MCM5: variants seen among roughly 807,000 people sequenced by gnomAD.
MCM5 encodes minichromosome maintenance complex component 5.
In MCM5, 46 loss-of-function variants were observed where a neutral mutation model predicts 79.9. The ratio of observed to expected loss-of-function variants is 0.58; its 90% CI spans 0.45 to 0.74. The LOEUF (loss-of-function observed/expected upper bound fraction) is 0.74, where lower values mean the gene tolerates loss of function less well. Ranked by LOEUF, MCM5 falls within the 30% of genes least tolerant of loss-of-function variation. The probability of loss-of-function intolerance (pLI) is 0.00; values close to 1 mark genes in which losing one functional copy is unlikely to be tolerated. For missense variants in MCM5, 883 were observed against 1,017.0 expected, an observed-to-expected ratio of 0.87 and a Z score of 1.79; for synonymous variants, 404 against 390.5, an observed-to-expected ratio of 1.03 and a Z score of -0.41.
Position 35,423,350 on chromosome 22 carries a change from G to C in MCM5, c.2103+9G>C. The C allele has an allele frequency of 6.3e-7, 1 of 1,589,590 alleles. No homozygotes were observed. Among genetic ancestry groups the C allele is most frequent in the Non-Finnish European group, 8.6e-7 (1 of 1,163,360 alleles). Reference sequence around the variant, plus strand: ...AGGACTTCACCAAGCAGGTGAGCCTGCCTTGGAGTGGGGGTGTGAGCCGGC... The same window carrying C: ...AGGACTTCACCAAGCAGGTGAGCCTCCCTTGGAGTGGGGGTGTGAGCCGGC... On this transcript the variant is annotated intron_variant, in intron 16 of 16. Transcript: ENST00000216122.
In MCM5 at chr22:35,424,245, G is replaced by A. The variant is rs368400416; in HGVS notation, c.2195G>A (p.Arg732His). Reference protein sequence around the residue: ...QHRMQRKVLYRLK With the variant: ...QHRMQRKVLYHLK ...CGCATGCAGCGCAAGGTTCTCTACC[G>A]CCTCAAGTGAGTCGCGCCGCCTCAC... The change falls in exon 17 of 17, where the codon CGC (arginine) becomes CAC (histidine). Residue 732 changes from arginine (R) to histidine (H), a missense_variant. This residue lies in a region of MCM5 where 426 missense variants were observed against 482.3 expected (regional missense o/e 0.88). Transcript: ENST00000216122. 6.5e-7 allele frequency: 1 copy of A among 1,545,268 alleles called. No individual in the cohort carries two copies. The highest frequency in any genetic ancestry group is 8.7e-7 in the Non-Finnish European group (1 of 1,143,466).
the MCM5 span, among the ~76,000 whole-genome samples, chr22:35,437,112 G>T: frequency 2.0e-5 from 3 of 152,236 alleles, no homozygotes; most frequent in East Asian, 5.8e-4. Context: ...GCCCCAGGAG[G>T]ATGCTGGGCT....
intron 2 of MCM5, 26 bp downstream of exon 2, chr22:35,400,631 T>C: frequency 6.4e-7 from 1 of 1,567,252 alleles, no homozygotes; most frequent in Non-Finnish European, 8.6e-7. Context: ...GGCCGGGGGC[T>C]CGAGTTCCAG....
chr22:35,410,800 C>T lies in MCM5; in HGVS notation c.809C>T (p.Ser270Phe). Residue 270 changes from serine (S) to phenylalanine (F), a missense_variant, in exon 7 of 17, where the codon TCC (serine) becomes TTC (phenylalanine). Ser to Phe is a radical substitution (Grantham distance 155, BLOSUM62 -2). This residue lies in a region of MCM5 where 455 missense variants were observed against 517.5 expected (regional missense o/e 0.88). Transcript: ENST00000216122. ...AGGGTTACCATCATGGGCATCTACT[C>T]CATCAAGAAGTTTGGCCTGACTACC... ...GNRVTIMGIY[S>F]IKKFGLTTSR... 1 of 1,614,152 alleles carries T rather than the reference C, an allele frequency of 6.2e-7. No individual in the cohort carries two copies. The highest frequency in any genetic ancestry group is 8.5e-7 in the Non-Finnish European group (1 of 1,180,010).
chr22:35,421,281 G>T, intron 14 of MCM5, 37 bp from the exon 15 acceptor site: 2 of 1,597,022 alleles, frequency 1.3e-6, no homozygotes, highest in South Asian at 2.2e-5. Flanking sequence ...GGGAATAGCG[G>T]ACCGAGGCTA....
At position 35,410,929 on chromosome 22, in the gene MCM5, C is replaced by A; in HGVS notation, c.919+19C>A. On this transcript the variant is annotated intron_variant, in intron 7 of 16. Transcript: ENST00000216122. Reference sequence around the variant, plus strand: ...GGCTCTGGTGAGTTGGCTTTGGGGTCCTGGCTTAGCCCTGCTAAAAGGCTG... The same window carrying A: ...GGCTCTGGTGAGTTGGCTTTGGGGTACTGGCTTAGCCCTGCTAAAAGGCTG... 6.4e-7 allele frequency: 1 copy of A among 1,572,154 alleles called. No individual in the cohort carries two copies. Among genetic ancestry groups the A allele is most frequent in the Non-Finnish European group, 8.6e-7 (1 of 1,156,958 alleles).
At chr22:35,436,786 C>G in the MCM5 span, among the ~76,000 whole-genome samples, 1 of 152,212 alleles carries the variant, frequency 6.6e-6, no homozygotes, top group Non-Finnish European at 1.5e-5. Flanking sequence ...TATCCCCACC[C>G]GACCTTCACA....
the MCM5 span, among the ~76,000 whole-genome samples, chr22:35,454,409 C>T: frequency 6.6e-6 from 1 of 152,198 alleles, no homozygotes; most frequent in South Asian, 2.1e-4. Context: ...TCCCCTCTCT[C>T]TTCTTTGGGC....
chr22:35,437,144 G>A, the MCM5 span, among the ~76,000 whole-genome samples: 1 of 152,204 alleles, frequency 6.6e-6, no homozygotes, highest in African/African-American at 2.4e-5. Context: ...CCCCTTACAG[G>A]AAGTGCCCAT....
the MCM5 span, among the ~76,000 whole-genome samples, chr22:35,432,975 C>G: frequency 2.0e-5 from 3 of 152,102 alleles, no homozygotes; most frequent in African/African-American, 7.2e-5. Flanking sequence ...CACAATGTTG[C>G]TCAGGCTGGA....
rs1279297654 is a variant in MCM5, at chr22:35,416,797, A to G, written c.1573A>G (p.Asn525Asp). Reference protein sequence around the residue: ...DMIFIVKDEHNEERDVMLAKH... With the variant: ...DMIFIVKDEHDEERDVMLAKH... ...GATCTTCATCGTCAAGGATGAGCAC[A>G]ATGAGGAGAGGGATGTGGTACGTCC... Residue 525 changes from asparagine (N) to aspartate (D), a missense_variant, in exon 12 of 17, where the codon AAT becomes GAT. Physicochemically the swap from Asn to Asp is conservative, Grantham distance 23 (BLOSUM62 1). Around this residue, in one of 3 missense-constraint regions of MCM5, gnomAD observed 426 missense variants for 482.3 expected, o/e 0.88. Coordinates refer to ENST00000216122, the MANE Select transcript of MCM5 (RefSeq NM_006739.4). 1.2e-6 allele frequency: 2 copies of G among 1,613,912 alleles called. No individual in the cohort carries two copies. Among genetic ancestry groups the G allele is most frequent in the Non-Finnish European group, 1.7e-6 (2 of 1,180,008 alleles).
At chr22:35,448,286 T>C in the MCM5 span, among the ~76,000 whole-genome samples, 1 of 152,034 alleles carries the variant, frequency 6.6e-6, no homozygotes, top group Non-Finnish European at 1.5e-5. Context: ...GAAGGCGAAG[T>C]TGGCTTTAGC....
the MCM5 span, among the ~76,000 whole-genome samples, chr22:35,444,065 T>G: frequency 6.6e-6 from 1 of 152,172 alleles, no homozygotes; most frequent in Non-Finnish European, 1.5e-5. Context: ...AAGAGCCTTG[T>G]GCCTGGCAGA....
chr22:35,430,483 C>G, the MCM5 span, among the ~76,000 whole-genome samples: 1 of 149,200 alleles, frequency 6.7e-6, no homozygotes, highest in Non-Finnish European at 1.5e-5. Context: ...CCTGGAGCCC[C>G]AAAACCAGCC....
At chr22:35,426,381 C>T (rs1932779577), downstream of MCM5, among the ~76,000 whole-genome samples, 4 of 152,132 alleles carry the variant, frequency 2.6e-5, no homozygotes, top group Admixed American at 2.6e-4. Context: ...GTGGAATCTC[C>T]AGTCAGGCCT....
At chr22:35,419,809 G>A (rs1163404148) in intron 13 of MCM5, 75 bp from the exon 14 acceptor site, 11 of 1,477,766 alleles carry the variant, frequency 7.4e-6, no homozygotes, top group Non-Finnish European at 1.0e-5. Flanking sequence ...TAAGCTGGCA[G>A]GGGGCTGGGG....
the MCM5 span, among the ~76,000 whole-genome samples, chr22:35,446,019 C>T: frequency 6.6e-6 from 1 of 152,188 alleles, no homozygotes; most frequent in Non-Finnish European, 1.5e-5. Context: ...CAGTGCTTGA[C>T]ACATAGTGGG....
At chr22:35,416,851 GCCTCCA>G in intron 12 of MCM5, 37 bp downstream of exon 12, 1 of 1,602,920 alleles carries the variant, frequency 6.2e-7, no homozygotes, top group East Asian at 2.2e-5. Flanking sequence ...CATGGGACCT[GCCTCCA>G]GGCAGGCTTG....
chr22:35,405,646 C>T (rs1423425333), intron 4 of MCM5, among the ~76,000 whole-genome samples: 3 of 152,196 alleles, frequency 2.0e-5, no homozygotes, highest in East Asian at 1.9e-4. Flanking sequence ...GTATTACAGG[C>T]GTGATCCACT....
Sources: allele counts gnomAD v4.1 joint callset (sites outside exome capture counted in the v4.1 genomes callset), GRCh38; gene constraint gnomAD v4.1.1; regional missense constraint gnomAD v4.1.1; transcripts MANE v1.5; gene names NCBI Gene and HGNC (gene_info 2026-07-23, HGNC 2026-07-21).